Variants in CCSER1 observed in about 807,000 individuals in gnomAD.
CCSER1 encodes the protein coiled-coil serine rich protein 1, also known as serine-rich coiled-coil domain-containing protein 1.
A neutral mutation model predicts 82.0 loss-of-function variants in CCSER1; 41 were observed. That is an observed-to-expected ratio of 0.50 (90% CI 0.39 to 0.65). CCSER1 has a LOEUF of 0.65. Ranked by LOEUF, CCSER1 falls within the 30% of genes least tolerant of loss-of-function variation. CCSER1 has a pLI of 0.00. For synonymous variants in CCSER1, 414 were observed against 383.9 expected (o/e 1.08, Z -0.92); for missense variants, 1,119 against 1,064.2 (o/e 1.05, Z -0.72).
At position 91,074,420 on chromosome 4, in the gene CCSER1, C is replaced by T. The variant is rs556438414; in HGVS notation, c.2173-11530C>T. 1.3e-3 allele frequency among the ~76,000 whole-genome samples: 192 copies of T among 152,214 alleles called. 3 individuals are homozygous for T. In the South Asian group the frequency reaches 0.031, roughly 24 times the overall value. ...TAACATCAGTGCATGTTGCAGTTAACGATGGAGTAGGCACTGTGCTGCGTT... is the reference window on the plus strand; with the variant it reads ...TAACATCAGTGCATGTTGCAGTTAATGATGGAGTAGGCACTGTGCTGCGTT... On this transcript the variant is annotated intron_variant, in intron 9 of 10. Transcript: ENST00000509176.
chr4:90,471,259 TC>T (rs1356493760), intron 5 of CCSER1, among the ~76,000 whole-genome samples: 1 of 151,884 alleles, frequency 6.6e-6, no homozygotes, highest in Non-Finnish European at 1.5e-5. Context: ...GCAGATTCTT[TC>T]CCCCCAACCC....
At chr4:90,797,748 G>T (rs557480691) in intron 7 of CCSER1, among the ~76,000 whole-genome samples, 30 of 152,192 alleles carry the variant, frequency 2.0e-4, no homozygotes, top group African/African-American at 6.7e-4. Flanking sequence ...GTTTGACGAG[G>T]TATGAAATTC....
At chr4:90,351,477 C>G (rs975837047) in intron 3 of CCSER1, among the ~76,000 whole-genome samples, 3 of 152,090 alleles carry the variant, frequency 2.0e-5, no homozygotes, top group African/African-American at 7.2e-5. Context: ...TGATACCATA[C>G]ACTTGAAGAA....
At chr4:90,530,665 T>A (rs575969517) in intron 5 of CCSER1, among the ~76,000 whole-genome samples, 90 of 152,256 alleles carry the variant, frequency 5.9e-4, no homozygotes, top group African/African-American at 1.9e-3. Flanking sequence ...CGCTTGTAGG[T>A]ATGTTATTGA....
intron 6 of CCSER1, among the ~76,000 whole-genome samples, chr4:90,684,333 A>G (rs1734423033): frequency 6.6e-6 from 1 of 152,190 alleles, no homozygotes; most frequent in Non-Finnish European, 1.5e-5. Context: ...GATTATAAAT[A>G]TCCATATCTT....
intron 10 of CCSER1, among the ~76,000 whole-genome samples, chr4:91,138,748 C>A (rs1728730519): frequency 1.4e-5 from 2 of 144,654 alleles, no homozygotes; most frequent in Non-Finnish European, 1.5e-5. Context: ...AAGAAAAAAA[C>A]AAACAACCCC....
At chr4:90,350,239 G>A (rs1743183247) in intron 3 of CCSER1, among the ~76,000 whole-genome samples, 1 of 152,072 alleles carries the variant, frequency 6.6e-6, no homozygotes, top group African/African-American at 2.4e-5. Context: ...ATTCAAATAT[G>A]TATGTGGAAA....
rs561867473 is a variant in CCSER1 at position 90,519,082 on chromosome 4, C to T, written c.1724+50728C>T. Among the ~76,000 whole-genome samples the T allele has an allele frequency of 9.9e-5, 15 of 151,860 alleles. No homozygotes were observed. In the South Asian group the frequency reaches 3.1e-3, roughly 32 times the overall value. On this transcript the variant is annotated intron_variant, in intron 5 of 10. Coordinates refer to ENST00000509176, the MANE Select transcript of CCSER1 (RefSeq NM_001145065.2). ...TTGCATTGAAAGATTTTTATATATT[C>T]ATTTGTAAATTTAGCATTAATTTTT...
intron 10 of CCSER1, among the ~76,000 whole-genome samples, chr4:91,282,547 G>A (rs1376752271): frequency 6.6e-6 from 1 of 152,054 alleles, no homozygotes; most frequent in African/African-American, 2.4e-5. Context: ...CCTACCCCAG[G>A]GAAATTCCAA....
intron 10 of CCSER1, among the ~76,000 whole-genome samples, chr4:91,114,701 G>C (rs1020049520): frequency 6.6e-6 from 1 of 152,160 alleles, no homozygotes; most frequent in Non-Finnish European, 1.5e-5. Flanking sequence ...GAGGGAGACG[G>C]CTCCCGCTTC....
At chr4:90,834,253 A>G (rs1761502927) in intron 8 of CCSER1, among the ~76,000 whole-genome samples, 1 of 152,222 alleles carries the variant, frequency 6.6e-6, no homozygotes, top group African/African-American at 2.4e-5. Context: ...AATCAGGATA[A>G]AATCCAAAGT....
intron 10 of CCSER1, among the ~76,000 whole-genome samples, chr4:91,155,034 T>TAAAA (rs35463054): frequency 1.0e-4 from 15 of 149,472 alleles, no homozygotes; most frequent in Non-Finnish European, 1.0e-4. Context: ...TTTCTGGCCT[T>TAAAA]AAAAAAAAAA....
intron 3 of CCSER1, among the ~76,000 whole-genome samples, chr4:90,358,209 A>T (rs1036258121): frequency 6.6e-6 from 1 of 152,006 alleles, no homozygotes; most frequent in Non-Finnish European, 1.5e-5. Flanking sequence ...TTGTTTATCT[A>T]TTTAAACTTT....
intron 8 of CCSER1, among the ~76,000 whole-genome samples, chr4:90,865,710 G>A (rs920822144): frequency 1.1e-4 from 17 of 151,670 alleles, no homozygotes; most frequent in African/African-American, 4.1e-4. Context: ...AACACCTAGG[G>A]GACAGTTACA....
chr4:90,280,512 A>G (rs1050545759), intron 1 of CCSER1, among the ~76,000 whole-genome samples: 1 of 151,968 alleles, frequency 6.6e-6, no homozygotes, highest in Non-Finnish European at 1.5e-5. Context: ...GTGCTGTTTC[A>G]TCTTACATGA....
intron 3 of CCSER1, among the ~76,000 whole-genome samples, chr4:90,323,640 C>A (rs1350662787): frequency 6.6e-6 from 1 of 152,028 alleles, no homozygotes; most frequent in East Asian, 1.9e-4. Flanking sequence ...TTGGGCAATG[C>A]AACAGTGTCT....
chr4:91,173,523 G>A (rs1455691948), intron 10 of CCSER1, among the ~76,000 whole-genome samples: 1 of 150,746 alleles, frequency 6.6e-6, no homozygotes, highest in Admixed American at 6.6e-5. Flanking sequence ...GAACCCGGGA[G>A]GTGGAGGTTG....
At chr4:90,588,173 T>C (rs544571504) in intron 5 of CCSER1, among the ~76,000 whole-genome samples, 1 of 152,298 alleles carries the variant, frequency 6.6e-6, no homozygotes, top group South Asian at 2.1e-4. Flanking sequence ...GCTGTACCAG[T>C]TTCTTAACAC....
At chr4:90,610,779 C>T (rs566073749) in intron 5 of CCSER1, among the ~76,000 whole-genome samples, 24 of 152,038 alleles carry the variant, frequency 1.6e-4, no homozygotes, top group Non-Finnish European at 2.5e-4. Context: ...CATTGAATAG[C>T]GCTAGAGTGT....
Sources: allele counts gnomAD v4.1 joint callset (sites outside exome capture counted in the v4.1 genomes callset), GRCh38; gene constraint gnomAD v4.1.1; transcripts MANE v1.5; gene names NCBI Gene and HGNC (gene_info 2026-07-23, HGNC 2026-07-21).